Variants in CLVS2 observed in about 807,000 individuals in gnomAD.
CLVS2 encodes clavesin 2.
In CLVS2, 19 loss-of-function variants were observed where a neutral mutation model predicts 29.0. That is an observed-to-expected ratio of 0.66 (90% CI 0.46 to 0.96). CLVS2 has a LOEUF of 0.96. CLVS2 is among the 40% of genes least tolerant of loss of function. The pLI, the probability that CLVS2 is intolerant of heterozygous loss-of-function variation, is 0.00. For synonymous variants in CLVS2, 161 were observed against 151.3 expected (o/e 1.06, Z -0.47); for missense variants, 294 against 404.1 (o/e 0.73, Z 2.34).
At chr6:123,000,064 T>G (rs1033847014) in intron 2 of CLVS2, among the ~76,000 whole-genome samples, 1 of 152,158 alleles carries the variant, frequency 6.6e-6, no homozygotes, top group African/African-American at 2.4e-5. Flanking sequence ...GAGTTAATAA[T>G]TGGTATATAG....
At chr6:123,008,345 T>C (rs545289895) in intron 2 of CLVS2, among the ~76,000 whole-genome samples, 1 of 152,260 alleles carries the variant, frequency 6.6e-6, no homozygotes, top group South Asian at 2.1e-4. Flanking sequence ...TGCCTTATAT[T>C]ATTTCCTTTG....
chr6:123,027,355 T>C (rs185120540), intron 3 of CLVS2, among the ~76,000 whole-genome samples: 1 of 152,312 alleles, frequency 6.6e-6, no homozygotes, highest in Non-Finnish European at 1.5e-5. Flanking sequence ...GTAAGAAGTT[T>C]AGAGACTTTC....
chr6:123,017,088 ATGTGTGTGTG>A (rs61643251), intron 3 of CLVS2, among the ~76,000 whole-genome samples: 3 of 149,086 alleles, frequency 2.0e-5, no homozygotes, highest in East Asian at 2.0e-4. Flanking sequence ...GCATGTGTGT[ATGTGTGTGTG>A]TGTGTGTGTG....
intron 3 of CLVS2, among the ~76,000 whole-genome samples, chr6:123,012,002 C>T (rs931868032): frequency 1.3e-5 from 2 of 151,964 alleles, no homozygotes; most frequent in Admixed American, 6.6e-5. Context: ...CATCTATACA[C>T]ACCTAAATTG....
In CLVS2 at chr6:123,063,922, G is replaced by A. The variant is rs1772815747; in HGVS notation, c.*161G>A. Reference sequence around the variant, plus strand: ...CAGGCTTTCCTTGGCCTGAACCATGGGGGCCCTGGGCTGGATTTTTAAAAT... The same window carrying A: ...CAGGCTTTCCTTGGCCTGAACCATGAGGGCCCTGGGCTGGATTTTTAAAAT... On this transcript the variant is annotated 3_prime_UTR_variant, in exon 6 of 6. Transcript: ENST00000275162. 2 of 451,384 alleles carry A rather than the reference G, an allele frequency of 4.4e-6. No individual in the cohort carries two copies. Among genetic ancestry groups the A allele is most frequent in the Non-Finnish European group, 3.9e-6 (1 of 254,000 alleles). The allele number at this position is 451,384 out of a possible 1,614,324, so 28.0% of individuals were successfully genotyped here. A position where few individuals can be genotyped will look rare whatever the true frequency, so the allele number is the denominator to read the frequency against.
At chr6:123,056,459 A>G (rs996008533) in intron 5 of CLVS2, among the ~76,000 whole-genome samples, 2 of 152,154 alleles carry the variant, frequency 1.3e-5, no homozygotes, top group African/African-American at 2.4e-5. Context: ...GATTCCACAT[A>G]TAAGTGAAAT....
At chr6:123,004,772 G>T (rs910146777) in intron 2 of CLVS2, among the ~76,000 whole-genome samples, 3 of 152,146 alleles carry the variant, frequency 2.0e-5, no homozygotes, top group African/African-American at 7.2e-5. Flanking sequence ...AATTAGCCAG[G>T]CCTGGTGGCG....
intron 3 of CLVS2, among the ~76,000 whole-genome samples, chr6:123,018,555 C>A (rs531589456): frequency 6.6e-5 from 10 of 151,850 alleles, no homozygotes; most frequent in African/African-American, 2.2e-4. Flanking sequence ...TACTATATTG[C>A]CAGAATCTTA....
rs1289940233 is a variant in CLVS2 at position 123,064,601 on chromosome 6, AT to A, written c.*844del. ...CATGTGAACAGTGTTCTGACAGCTA[AT>A]TTTGAACATAAAATTTTCCACTTAC... On this transcript the variant is annotated 3_prime_UTR_variant, in exon 6 of 6. Transcript: ENST00000275162. The A allele has an allele frequency of 6.6e-6, 1 of 151,878 alleles. No homozygotes were observed. The highest frequency in any genetic ancestry group is 1.9e-4 in the East Asian group (1 of 5,196). 9.4% of individuals were successfully genotyped at this position (151,878 alleles called of 1,614,324 possible). A position where few individuals can be genotyped will look rare whatever the true frequency, so the allele number is the denominator to read the frequency against.
At chr6:123,006,953 C>T (rs1393693205) in intron 2 of CLVS2, among the ~76,000 whole-genome samples, 1 of 152,042 alleles carries the variant, frequency 6.6e-6, no homozygotes, top group African/African-American at 2.4e-5. Flanking sequence ...ATAGACTGAC[C>T]AGAAAAGTGG....
chr6:123,048,704 C>A lies in CLVS2; in HGVS notation c.647C>A (p.Pro216His). Residue 216 changes from proline (P) to histidine (H), a missense_variant, in exon 4 of 6, where the codon CCT becomes CAT. Around this residue, in one of 2 missense-constraint regions of CLVS2, gnomAD observed 212 missense variants for 336.4 expected, o/e 0.63. Coordinates refer to ENST00000275162, the MANE Select transcript of CLVS2 (RefSeq NM_001010852.4). Reference sequence around the variant, plus strand: ...CATGCCCTGTACACCGTGATCCGGCCTTTCCTGAAGGAGAAAACTCGGAAA... The same window carrying A: ...CATGCCCTGTACACCGTGATCCGGCATTTCCTGAAGGAGAAAACTCGGAAA... ...YIHALYTVIR[P>H]FLKEKTRKRI... 6.2e-7 allele frequency: 1 copy of A among 1,612,902 alleles called. No individual in the cohort carries two copies. The highest frequency in any genetic ancestry group is 8.5e-7 in the Non-Finnish European group (1 of 1,179,054).
chr6:123,018,076 T>C (rs1774862835), intron 3 of CLVS2, among the ~76,000 whole-genome samples: 1 of 152,060 alleles, frequency 6.6e-6, no homozygotes, highest in Non-Finnish European at 1.5e-5. Flanking sequence ...AAGAAGAAAA[T>C]AACACTTTTT....
At chr6:123,056,359 C>T (rs954378376) in intron 5 of CLVS2, among the ~76,000 whole-genome samples, 3 of 152,070 alleles carry the variant, frequency 2.0e-5, no homozygotes, top group Admixed American at 2.0e-4. Context: ...ATGAATATCT[C>T]CCTATCCACC....
intron 3 of CLVS2, among the ~76,000 whole-genome samples, chr6:123,021,920 T>C (rs182476185): frequency 1.3e-5 from 2 of 152,206 alleles, no homozygotes; most frequent in Admixed American, 1.3e-4. Flanking sequence ...GTATCTTTCC[T>C]GGTTCTTTGG....
intron 3 of CLVS2, among the ~76,000 whole-genome samples, chr6:123,023,515 A>G (rs1453906695): frequency 1.3e-5 from 2 of 152,126 alleles, no homozygotes; most frequent in Non-Finnish European, 2.9e-5. Context: ...CCTAATTTAC[A>G]AGCACAAAAC....
chr6:123,037,066 T>A (rs547214881), intron 3 of CLVS2, among the ~76,000 whole-genome samples: 1 of 152,332 alleles, frequency 6.6e-6, no homozygotes, highest in Non-Finnish European at 1.5e-5. Flanking sequence ...TTTTATTTTT[T>A]ATTTTTTTTC....
intron 5 of CLVS2, among the ~76,000 whole-genome samples, chr6:123,059,166 C>T (rs951438429): frequency 3.3e-5 from 5 of 152,128 alleles, no homozygotes; most frequent in Non-Finnish European, 7.3e-5. Flanking sequence ...CCTTCATCTT[C>T]AAATGGGTGG....
Position 123,064,515 on chromosome 6 carries a change from T to C in CLVS2, c.*754T>C, listed in dbSNP as rs1772824998. On this transcript the variant is annotated 3_prime_UTR_variant, in exon 6 of 6. Transcript: ENST00000275162. ...TTTATTCAAGACCCTATTATATTTC[T>C]TCCTAATGTACTCTAAGTACATTTC... 6.6e-6 allele frequency: 1 copy of C among 151,940 alleles called. No homozygotes were observed. Among genetic ancestry groups the C allele is most frequent in the African/African-American group, 2.4e-5 (1 of 41,432 alleles). The allele number at this position is 151,940 out of a possible 1,614,324, so 9.4% of individuals were successfully genotyped here.
At chr6:123,052,810 T>G (rs987251176) in intron 4 of CLVS2, among the ~76,000 whole-genome samples, 1 of 134,692 alleles carries the variant, frequency 7.4e-6, no homozygotes, top group Non-Finnish European at 1.6e-5. Context: ...AGTCCAATTT[T>G]GAACACGTTA....
Sources: gnomAD v4.1 joint callset for allele counts (sites outside exome capture counted in the v4.1 genomes callset) on GRCh38, gnomAD v4.1.1 for gene constraint, gnomAD v4.1.1 regional missense constraint, MANE v1.5 for transcripts, NCBI Gene and HGNC (gene_info 2026-07-23, HGNC 2026-07-21) for gene names.